Variants in TRIM35 observed in about 807,000 individuals in gnomAD.
TRIM35 encodes tripartite motif containing 35.
In TRIM35, 37 loss-of-function variants were observed where a neutral mutation model predicts 49.1. The ratio of observed to expected loss-of-function variants is 0.75; its 90% confidence interval spans 0.58 to 0.99. TRIM35 has a LOEUF of 0.99. Ranked by LOEUF, TRIM35 falls within the 50% of genes least tolerant of loss-of-function variation. The probability of loss-of-function intolerance (pLI) is 0.00; values close to 1 mark genes in which losing one functional copy is unlikely to be tolerated. For missense variants in TRIM35, 648 were observed against 702.7 expected (o/e 0.92, Z 0.88); for synonymous variants, 302 against 289.3 (o/e 1.04, Z -0.45).
rs995259364 is a variant in TRIM35 at position 27,293,326 on chromosome 8, C to T, written c.762+754G>A. On this transcript the variant is annotated intron_variant, in intron 3 of 5. Transcript: ENST00000305364. ...GTAGGAAATTTGTAAGGACCACTGG[C>T]TCATGGGGAGGAAATAAATCAATAA... 8.6e-5 allele frequency among the ~76,000 whole-genome samples: 13 copies of T among 151,368 alleles called. No homozygotes were observed. In the East Asian group the frequency reaches 1.7e-3, roughly 20 times the overall value.
At chr8:27,306,267 C>T (rs778228949) in intron 1 of TRIM35, among the ~76,000 whole-genome samples, 8 of 152,112 alleles carry the variant, frequency 5.3e-5, no homozygotes, top group African/African-American at 1.2e-4. Flanking sequence ...ACATAAACAG[C>T]GCTGACACAT....
chr8:27,310,660 C>A (rs1322704281), intron 1 of TRIM35, 141 bp downstream of exon 1: 4 of 955,982 alleles, frequency 4.2e-6, no homozygotes, highest in Non-Finnish European at 6.1e-6. Context: ...GAACCTGGGT[C>A]GGAGAGGTGG....
intron 3 of TRIM35, among the ~76,000 whole-genome samples, chr8:27,290,678 A>G (rs762043854): frequency 6.6e-6 from 1 of 152,234 alleles, no homozygotes; most frequent in Non-Finnish European, 1.5e-5. Context: ...AACAGAAAAC[A>G]TAAGAAGAGA....
At chr8:27,291,107 C>T (rs1447408150) in intron 3 of TRIM35, among the ~76,000 whole-genome samples, 3 of 142,120 alleles carry the variant, frequency 2.1e-5, no homozygotes, top group Non-Finnish European at 4.6e-5. Context: ...CTTACTATAC[C>T]ATATACAAAA....
intron 2 of TRIM35, among the ~76,000 whole-genome samples, chr8:27,295,945 TAAGAG>T (rs1043657597): frequency 2.0e-5 from 3 of 151,988 alleles, no homozygotes; most frequent in Non-Finnish European, 2.9e-5. Flanking sequence ...ACAAATCCAC[TAAGAG>T]AAAAGACAAA....
chr8:27,310,681 G>A, intron 1 of TRIM35, 120 bp downstream of exon 1: 1 of 1,198,842 alleles, frequency 8.3e-7, no homozygotes, highest in Non-Finnish European at 1.2e-6. Flanking sequence ...GGTCCTGCAT[G>A]CTGGGAGCGA....
rs1319853436 is a variant in TRIM35 at position 27,287,883 on chromosome 8, G to C, written c.1149C>G (p.Gly383=). 2 of 1,613,010 alleles carry C rather than the reference G, an allele frequency of 1.2e-6. No individual in the cohort carries two copies. Among genetic ancestry groups the C allele is most frequent in the African/African-American group, 2.7e-5 (2 of 74,918 alleles). ...TGTCGTGGTAGCAGCTGTGTGAGTG[G>C]CCCTCAGCGCCCGAGTCCTGGCGCA... ...VRVRQDSGAE[G]HSHSCYHDTR... The change falls in exon 6 of 6, where the codon GGC becomes GGG. Residue 383 remains glycine, a synonymous_variant. Coordinates refer to ENST00000305364, the MANE Select transcript of TRIM35 (RefSeq NM_171982.5). The surrounding 1 kb of genome is among the most constrained non-coding windows in gnomAD (Gnocchi z 6.0).
intron 1 of TRIM35, among the ~76,000 whole-genome samples, chr8:27,299,071 T>TCAACATGCC (rs1802632561): frequency 6.6e-6 from 1 of 152,120 alleles, no homozygotes; most frequent in Non-Finnish European, 1.5e-5. Context: ...AGGCCTCACC[T>TCAACATGCC]CAACATGCCC....
chr8:27,309,082 C>T (rs1000703782), intron 1 of TRIM35, among the ~76,000 whole-genome samples: 1 of 152,210 alleles, frequency 6.6e-6, no homozygotes, highest in African/African-American at 2.4e-5. Context: ...CTGCAGTATC[C>T]CTGGGACCTT....
At chr8:27,288,342 T>C (rs988085726) in intron 5 of TRIM35, among the ~76,000 whole-genome samples, 7 of 152,088 alleles carry the variant, frequency 4.6e-5, no homozygotes, top group Non-Finnish European at 1.0e-4. Context: ...TGTGACCTTA[T>C]TTGGGAATGG....
chr8:27,308,712 A>C (rs1385737159), intron 1 of TRIM35, among the ~76,000 whole-genome samples: 1 of 152,220 alleles, frequency 6.6e-6, no homozygotes, highest in Non-Finnish European at 1.5e-5. Context: ...TGCACCCTGC[A>C]TCAGGCTGAC....
rs377511988 is a variant in TRIM35 at position 27,287,855 on chromosome 8, G to A, written c.1177C>T (p.Arg393Cys). ...GHSHSCYHDT[R>C]SGFWYVCRTQ... ...CGGCAGACATACCAGAAGCCCGAGCGTGTGTCGTGGTAGCAGCTGTGTGAG... is the reference window on the plus strand; with the variant it reads ...CGGCAGACATACCAGAAGCCCGAGCATGTGTCGTGGTAGCAGCTGTGTGAG... Residue 393 changes from arginine (R) to cysteine (C), a missense_variant, in exon 6 of 6, where the codon CGC (arginine) becomes TGC (cysteine). Physicochemically the swap from Arg to Cys is radical, Grantham distance 180 (BLOSUM62 -3). Transcript: ENST00000305364. This position sits in a 1 kb window ranked among gnomAD's most constrained non-coding sequence, Gnocchi z 6.0. The A allele has an allele frequency of 3.3e-5, 54 of 1,613,066 alleles. No homozygotes were observed. The highest frequency in any genetic ancestry group is 2.9e-4 in the African/African-American group (22 of 75,040).
chr8:27,310,963 G>C lies in TRIM35; in HGVS notation c.273C>G (p.Arg91=). The C allele has an allele frequency of 1.2e-6, 2 of 1,612,546 alleles. No individual in the cohort carries two copies. Among genetic ancestry groups the C allele is most frequent in the Non-Finnish European group, 1.7e-6 (2 of 1,179,676 alleles). ...KLLREEAEGA[R]WTSYRFSRVC... is the part of the protein sequence containing the mutation. ...CACGCGAGAAGCGGTAGCTGGTCCA[G>C]CGCGCGCCCTCGGCCTCCTCGCGCA... Residue 91 remains arginine, a synonymous_variant, in exon 1 of 6, where the codon CGC becomes CGG. Coordinates refer to ENST00000305364, the MANE Select transcript of TRIM35 (RefSeq NM_171982.5).
At chr8:27,307,419 C>G (rs969271237) in intron 1 of TRIM35, among the ~76,000 whole-genome samples, 3 of 152,154 alleles carry the variant, frequency 2.0e-5, no homozygotes, top group Non-Finnish European at 4.4e-5. Context: ...GACTCCTTCC[C>G]ACACCCCACC....
In TRIM35 at chr8:27,285,640, G is replaced by C. The variant is rs1437489861; in HGVS notation, c.*1910C>G. ...TTTTAGCTCAAATTTTTTTTTAAGA[G>C]GCCTAGCCTGCTCAAGTTATCCTGT... is the stretch of plus-strand genomic sequence containing the variant. On this transcript the variant is annotated 3_prime_UTR_variant, in exon 6 of 6. Coordinates refer to ENST00000305364, the MANE Select transcript of TRIM35 (RefSeq NM_171982.5). 1 of 133,922 alleles carries C rather than the reference G, an allele frequency of 7.5e-6. No individual in the cohort carries two copies. The highest frequency in any genetic ancestry group is 2.8e-5 in the African/African-American group (1 of 35,878). 8.3% of individuals were successfully genotyped at this position (133,922 alleles called of 1,614,324 possible).
At chr8:27,291,321 G>A (rs1205028285) in intron 3 of TRIM35, among the ~76,000 whole-genome samples, 1 of 152,162 alleles carries the variant, frequency 6.6e-6, no homozygotes, top group Non-Finnish European at 1.5e-5. Flanking sequence ...CAAGTCATTA[G>A]CCATCAGGGA....
chr8:27,305,295 C>T (rs1277447623), intron 1 of TRIM35, among the ~76,000 whole-genome samples: 1 of 152,246 alleles, frequency 6.6e-6, no homozygotes, highest in African/African-American at 2.4e-5. Context: ...ATCAGTCTCC[C>T]AGATCTGTCT....
At chr8:27,293,354 G>C (rs1165119057) in intron 3 of TRIM35, among the ~76,000 whole-genome samples, 1 of 149,436 alleles carries the variant, frequency 6.7e-6, no homozygotes, top group Non-Finnish European at 1.5e-5. Flanking sequence ...ATCAATAAAA[G>C]GAAAAAAAAA....
At chr8:27,298,016 A>T (rs1485537059) in intron 2 of TRIM35, among the ~76,000 whole-genome samples, 20 of 152,236 alleles carry the variant, frequency 1.3e-4, no homozygotes, top group African/African-American at 2.4e-5. Flanking sequence ...GGCCCTAGGC[A>T]GGAGGCCCAG....
Sources: gnomAD v4.1 joint callset for allele counts (sites outside exome capture counted in the v4.1 genomes callset) on GRCh38, gnomAD v4.1.1 for gene constraint, Gnocchi (gnomAD v3.1) non-coding constraint, MANE v1.5 for transcripts, NCBI Gene and HGNC (gene_info 2026-07-23, HGNC 2026-07-21) for gene names.